The following NUP188 variants were observed in gnomAD, a reference collection of about 807,000 sequenced individuals.
NUP188 encodes the protein nucleoporin 188, also known as nucleoporin NUP188.
A neutral mutation model predicts 223.0 loss-of-function variants in NUP188; 97 were observed. The ratio of observed to expected loss-of-function variants is 0.43; its 90% CI spans 0.37 to 0.51. NUP188 has a LOEUF of 0.51. NUP188 is among the 20% of genes least tolerant of loss of function. The probability of loss-of-function intolerance (pLI) is 0.00; values close to 1 mark genes in which losing one functional copy is unlikely to be tolerated. For missense variants in NUP188, 1,947 were observed against 2,175.6 expected (o/e 0.89, Z 2.09); for synonymous variants, 869 against 828.0 (o/e 1.05, Z -0.85).
At chr9:128,988,298 T>G (rs183045351) in intron 24 of NUP188, 112 bp downstream of exon 24, 179 of 1,242,754 alleles carry the variant, frequency 1.4e-4, no homozygotes, top group Non-Finnish European at 2.0e-4. Context: ...ATTTTCTGCT[T>G]CTTGAGGAAG....
At chr9:128,990,900 T>A (rs1365764166) in intron 25 of NUP188, among the ~76,000 whole-genome samples, 1 of 151,888 alleles carries the variant, frequency 6.6e-6, no homozygotes, top group Non-Finnish European at 1.5e-5. Context: ...GTGCCTGTGA[T>A]CCCAGCTACT....
Position 128,993,540 on chromosome 9 carries a change from A to C in NUP188, c.2863A>C (p.Met955Leu), listed in dbSNP as rs1842466392. 1 of 1,614,050 alleles carries C rather than the reference A, an allele frequency of 6.2e-7. No individual in the cohort carries two copies. Among genetic ancestry groups the C allele is most frequent in the East Asian group, 2.2e-5 (1 of 44,868 alleles). ...SDGSKEFSLG[M>L]WSCLHAVLEL... ...CTTCTTGCAGGAATTCAGCCTTGGG[A>C]TGTGGAGCTGTCTCCATGCAGTGCT... The change falls in exon 27 of 44, where the codon ATG becomes CTG. Residue 955 changes from methionine (M) to leucine (L), a missense_variant. Around this residue, in one of 3 missense-constraint regions of NUP188, gnomAD observed 225 missense variants for 319.1 expected, o/e 0.71. Coordinates refer to ENST00000372577, the MANE Select transcript of NUP188 (RefSeq NM_015354.3).
chr9:128,994,997 A>G (rs1226295318), intron 29 of NUP188, 74 bp downstream of exon 29: 6 of 1,134,006 alleles, frequency 5.3e-6, no homozygotes, highest in South Asian at 2.5e-5. Context: ...CACTGGGTGC[A>G]TGGCTGGAAG....
intron 12 of NUP188, among the ~76,000 whole-genome samples, chr9:128,977,759 A>G (rs1021412631): frequency 1.3e-5 from 2 of 152,058 alleles, no homozygotes; most frequent in Admixed American, 6.6e-5. Context: ...AGATTGTGCT[A>G]TTACACTCCA....
At chr9:128,999,150 G>T in intron 32 of NUP188, 22 bp from the exon 33 acceptor site, 1 of 1,611,672 alleles carries the variant, frequency 6.2e-7, no homozygotes, top group South Asian at 1.1e-5. Context: ...ACCACGCCTG[G>T]CCCACCCAGT....
intron 29 of NUP188, 97 bp downstream of exon 29, chr9:128,995,020 G>A (rs1308571081): frequency 2.2e-6 from 2 of 897,908 alleles, no homozygotes; most frequent in Non-Finnish European, 3.7e-6. Context: ...CCAAGGCAGA[G>A]GAGAGAACTG....
At chr9:129,002,133 C>G (rs1422802149) in intron 36 of NUP188, among the ~76,000 whole-genome samples, 157 bp downstream of exon 36, 1 of 152,240 alleles carries the variant, frequency 6.6e-6, no homozygotes, top group Non-Finnish European at 1.5e-5. Context: ...GGATCTCTAG[C>G]AAGAGAAACT....
chr9:128,948,818 C>T (rs1360745782), intron 1 of NUP188: 1 of 153,626 alleles, frequency 6.5e-6, no homozygotes, highest in Non-Finnish European at 1.4e-5. Flanking sequence ...CTCTGTCTCC[C>T]GGGTTCATGC....
intron 8 of NUP188, among the ~76,000 whole-genome samples, chr9:128,963,110 C>G (rs1468777406): frequency 6.6e-6 from 1 of 151,866 alleles, no homozygotes; most frequent in Non-Finnish European, 1.5e-5. Flanking sequence ...GTGGATATAC[C>G]ATATTTTGTT....
In NUP188 at chr9:128,999,288, T is replaced by C. The variant is rs1463809027; in HGVS notation, c.3632T>C (p.Ile1211Thr). 6.2e-7 allele frequency: 1 copy of C among 1,614,118 alleles called. No homozygotes were observed. Among genetic ancestry groups the C allele is most frequent in the African/African-American group, 1.3e-5 (1 of 75,032 alleles). ...KTKAKVFSAFITVLQMKEMKV... is the reference protein window; with the variant it reads ...KTKAKVFSAFTTVLQMKEMKV... ...AAGGCCAAGGTGTTCTCAGCATTCA[T>C]CACAGTGTTGCAAATGAAGGAGATG... The change falls in exon 33 of 44, where the codon ATC (isoleucine) becomes ACC (threonine). Residue 1211 changes from isoleucine to threonine, a missense_variant. Coordinates refer to ENST00000372577, the MANE Select transcript of NUP188 (RefSeq NM_015354.3).
At chr9:128,998,671 C>T (rs1481770936) in intron 32 of NUP188, 48 bp downstream of exon 32, 1 of 1,452,662 alleles carries the variant, frequency 6.9e-7, no homozygotes, top group Non-Finnish European at 9.7e-7. Flanking sequence ...GCCTTCTTGT[C>T]AGTGCCTGCT....
chr9:128,994,756 G>A (rs991062735), intron 28 of NUP188, 100 bp from the exon 29 acceptor site: 1 of 992,730 alleles, frequency 1.0e-6, no homozygotes, highest in Non-Finnish European at 1.6e-6. Context: ...GTGCTAACTT[G>A]TTCTGCAAGT....
At chr9:128,969,358 A>T (rs1842073717) in intron 9 of NUP188, 42 bp from the exon 10 acceptor site, 1 of 1,256,628 alleles carries the variant, frequency 8.0e-7, no homozygotes, top group Non-Finnish European at 1.2e-6. Flanking sequence ...AGTGAGTTTC[A>T]GAACGGGATA....
At chr9:128,959,174 A>G (rs1175478123) in intron 8 of NUP188, 40 bp downstream of exon 8, 1 of 1,454,582 alleles carries the variant, frequency 6.9e-7, no homozygotes, top group Non-Finnish European at 9.2e-7. Context: ...TTTTTTTTTT[A>G]AGATGGAGTT....
At chr9:128,971,674 T>C (rs1379856537) in intron 11 of NUP188, among the ~76,000 whole-genome samples, 2 of 152,192 alleles carry the variant, frequency 1.3e-5, no homozygotes, top group Non-Finnish European at 2.9e-5. Context: ...CGCCTCGGCC[T>C]CCCAAAGTGC....
intron 15 of NUP188, among the ~76,000 whole-genome samples, 176 bp from the exon 16 acceptor site, chr9:128,982,373 C>T (rs1422003082): frequency 4.3e-4 from 62 of 143,304 alleles, no homozygotes; most frequent in East Asian, 2.2e-4. Flanking sequence ...GAGGTTGCAG[C>T]GAGCCGAGAT....
intron 11 of NUP188, among the ~76,000 whole-genome samples, chr9:128,972,640 G>T (rs1427842437): frequency 6.6e-6 from 1 of 152,226 alleles, no homozygotes; most frequent in East Asian, 1.9e-4. Flanking sequence ...TTATTCAGTT[G>T]TAACAATTGT....
chr9:128,958,145 CTT>C, intron 6 of NUP188, 91 bp downstream of exon 6: 2 of 995,066 alleles, frequency 2.0e-6, no homozygotes, highest in South Asian at 1.4e-5. Context: ...GCTTTTGACT[CTT>C]TGTTGGGTAA....
chr9:129,003,399 C>CT lies in NUP188; in HGVS notation c.4380dup (p.Asn1461Ter), dbSNP rs1564568737. 5.0e-6 allele frequency: 8 copies of CT among 1,613,406 alleles called. No homozygotes were observed. Among genetic ancestry groups the CT allele is most frequent in the Non-Finnish European group, 6.8e-6 (8 of 1,180,008 alleles). ...ACCGTGGGTTTTATTCTGCAGCTCT[C>CT]TAACTTCATGAAGGAGTGGCACTTC... On this transcript the variant is annotated frameshift_variant, in exon 38 of 44. Coordinates refer to ENST00000372577, the MANE Select transcript of NUP188 (RefSeq NM_015354.3). LOFTEE classifies it high-confidence loss of function.
Sources: gnomAD v4.1 joint callset for allele counts (sites outside exome capture counted in the v4.1 genomes callset) on GRCh38, gnomAD v4.1.1 for gene constraint, gnomAD v4.1.1 regional missense constraint, MANE v1.5 for transcripts, NCBI Gene and HGNC (gene_info 2026-07-23, HGNC 2026-07-21) for gene names.